ABCC4: variants seen among roughly 807,000 people sequenced by gnomAD.
The protein encoded by ABCC4 is ATP-binding cassette sub-family C member 4.
In ABCC4, 102 loss-of-function variants were observed where a neutral mutation model predicts 168.5. The observed-to-expected ratio is 0.61, with a 90% CI of 0.52 to 0.71. The LOEUF is 0.71. ABCC4 is among the 30% of genes least tolerant of loss of function. ABCC4 has a pLI of 0.00. For synonymous variants in ABCC4, 617 were observed against 590.7 expected, an observed-to-expected ratio of 1.04 and a Z score of -0.65; for missense variants, 1,402 against 1,605.8, an observed-to-expected ratio of 0.87 and a Z score of 2.17.
At chr13:95,132,023 C>T (rs1429352798) in intron 19 of ABCC4, among the ~76,000 whole-genome samples, 2 of 152,086 alleles carry the variant, frequency 1.3e-5, no homozygotes, top group Non-Finnish European at 2.9e-5. Flanking sequence ...CAGCACTATG[C>T]ACAATAGTCA....
intron 30 of ABCC4, among the ~76,000 whole-genome samples, chr13:95,033,396 G>C (rs771733122): frequency 6.6e-6 from 1 of 152,108 alleles, no homozygotes; most frequent in Non-Finnish European, 1.5e-5. Context: ...AACATTGGAT[G>C]TTCCTTCCCT....
chr13:95,251,704 C>T (rs1183538657), intron 1 of ABCC4, among the ~76,000 whole-genome samples: 1 of 152,148 alleles, frequency 6.6e-6, no homozygotes, highest in Non-Finnish European at 1.5e-5. Flanking sequence ...GACAGCAAAG[C>T]TGTGAGCTAA....
chr13:95,180,902 G>C (rs758632810), intron 11 of ABCC4, among the ~76,000 whole-genome samples: 1 of 152,164 alleles, frequency 6.6e-6, no homozygotes, highest in Non-Finnish European at 1.5e-5. Flanking sequence ...GTACTACAAC[G>C]ACCTTGAGTG....
chr13:95,044,116 TTC>T (rs1406593458), intron 28 of ABCC4, 148 bp downstream of exon 28: 1 of 926,528 alleles, frequency 1.1e-6, no homozygotes, highest in Non-Finnish European at 1.5e-6. Flanking sequence ...TTTGGGTTTC[TTC>T]TTTTTTTTTC....
intron 6 of ABCC4, 21 bp from the exon 7 acceptor site, chr13:95,207,946 G>C (rs1405087779): frequency 6.2e-7 from 1 of 1,609,896 alleles, no homozygotes; most frequent in Non-Finnish European, 8.5e-7. Context: ...CCAGACACGG[G>C]AGATGAGCCT....
chr13:95,106,575 G>C (rs1475533245), intron 20 of ABCC4, among the ~76,000 whole-genome samples: 1 of 151,846 alleles, frequency 6.6e-6, no homozygotes, highest in Non-Finnish European at 1.5e-5. Context: ...AGGGAGGGTA[G>C]ACAGTGAGAT....
At chr13:95,265,211 TAAAC>T (rs1338920667) in intron 1 of ABCC4, among the ~76,000 whole-genome samples, 2 of 152,150 alleles carry the variant, frequency 1.3e-5, no homozygotes, top group Non-Finnish European at 2.9e-5. Context: ...AGGAATAATA[TAAAC>T]AGAGAAAGAG....
At chr13:95,144,474 C>T (rs866694485) in intron 19 of ABCC4, among the ~76,000 whole-genome samples, 8 of 152,100 alleles carry the variant, frequency 5.3e-5, no homozygotes, top group East Asian at 1.9e-4. Flanking sequence ...TCTTCGTAGA[C>T]GACATGATTC....
intron 4 of ABCC4, among the ~76,000 whole-genome samples, 200 bp from the exon 5 acceptor site, chr13:95,210,981 G>T (rs1009920575): frequency 4.0e-5 from 6 of 151,688 alleles, no homozygotes; most frequent in Non-Finnish European, 8.8e-5. Flanking sequence ...CAAAGCGAGA[G>T]GTAGGAAGAA....
chr13:95,142,676 A>C (rs2036359021), intron 19 of ABCC4, among the ~76,000 whole-genome samples: 1 of 152,188 alleles, frequency 6.6e-6, no homozygotes, highest in African/African-American at 2.4e-5. Flanking sequence ...AAGTTTTAGA[A>C]CAAAGAACAA....
At chr13:95,022,816 C>A (rs143330609) in intron 30 of ABCC4, among the ~76,000 whole-genome samples, 1 of 152,322 alleles carries the variant, frequency 6.6e-6, no homozygotes, top group East Asian at 1.9e-4. Context: ...CACCTGCCTA[C>A]ATATTAAGTG....
intron 1 of ABCC4, among the ~76,000 whole-genome samples, chr13:95,292,762 G>A (rs1435423164): frequency 6.6e-6 from 1 of 152,120 alleles, no homozygotes; most frequent in South Asian, 2.1e-4. Flanking sequence ...TAAGGAAAAG[G>A]GGAAGATAGG....
intron 1 of ABCC4, among the ~76,000 whole-genome samples, chr13:95,255,000 C>T (rs759713735): frequency 6.6e-6 from 1 of 152,080 alleles, no homozygotes; most frequent in Non-Finnish European, 1.5e-5. Flanking sequence ...AAATCCATTA[C>T]GAGTCCATGA....
intron 29 of ABCC4, among the ~76,000 whole-genome samples, chr13:95,042,958 C>T (rs1341059297): frequency 1.3e-5 from 2 of 152,192 alleles, no homozygotes; most frequent in Non-Finnish European, 2.9e-5. Context: ...TTAGTAGAGA[C>T]AGGGTTTCCC....
rs11568686 is a variant in ABCC4, at chr13:95,188,409, A to C, written c.1353+44T>G. 1.4e-4 allele frequency: 219 copies of C among 1,561,100 alleles called. No homozygotes were observed. The African/African-American group carries it at 2.7e-3, about 19-fold the overall frequency. ...GGCTCAAACCCACGAAGTTAATATG[A>C]TAAGTGGGGTTGCAACAAGCTGCCA... On this transcript the variant is annotated intron_variant, in intron 10 of 30. Transcript: ENST00000645237.
chr13:95,029,254 A>AG (rs2031750049), intron 30 of ABCC4, among the ~76,000 whole-genome samples: 1 of 5,012 alleles, frequency 2.0e-4, no homozygotes, highest in African/African-American at 3.6e-4. Context: ...AGAGAGAGAG[A>AG]AAGAGAGAGA....
intron 19 of ABCC4, among the ~76,000 whole-genome samples, chr13:95,157,780 G>A (rs1369720027): frequency 6.6e-6 from 1 of 152,128 alleles, no homozygotes; most frequent in Non-Finnish European, 1.5e-5. Flanking sequence ...CCTAGAAACA[G>A]AAACTTCAGG....
intron 18 of ABCC4, among the ~76,000 whole-genome samples, chr13:95,162,430 C>T (rs2037127689): frequency 6.6e-6 from 1 of 152,166 alleles, no homozygotes; most frequent in South Asian, 2.1e-4. Context: ...TGTAATGCTA[C>T]ATACATTCTA....
intron 20 of ABCC4, among the ~76,000 whole-genome samples, chr13:95,112,798 T>C (rs1028075907): frequency 1.3e-5 from 2 of 152,298 alleles, no homozygotes; most frequent in East Asian, 1.9e-4. Context: ...TTATTACCTA[T>C]TGAACCTAAC....
Sources: gnomAD v4.1 joint callset for allele counts (sites outside exome capture counted in the v4.1 genomes callset) on GRCh38, gnomAD v4.1.1 for gene constraint, MANE v1.5 for transcripts, NCBI Gene and HGNC (gene_info 2026-07-23, HGNC 2026-07-21) for gene names.